WWOX: variants seen among roughly 807,000 people sequenced by gnomAD.
WWOX encodes WW domain-containing oxidoreductase.
In WWOX, 69 loss-of-function variants were observed where a neutral mutation model predicts 46.2. The observed-to-expected ratio is 1.49, with a 90% confidence interval of 1.23 to 1.82. The LOEUF (loss-of-function observed/expected upper bound fraction) is 1.82. Among genes scored for constraint, WWOX ranks in the 40% most tolerant of loss-of-function variants. The probability of loss-of-function intolerance (pLI) is 0.00; values close to 1 mark genes in which losing one functional copy is unlikely to be tolerated. For missense variants in WWOX, 919 were observed against 542.6 expected, an observed-to-expected ratio of 1.69 and a Z score of -6.89; for synonymous variants, 359 against 202.6, an observed-to-expected ratio of 1.77 and a Z score of -6.56.
chr16:78,934,337 C>CAAA lies in WWOX; in HGVS notation c.1057-277259_1057-277257dup, dbSNP rs747448353. The stretch of plus-strand genomic sequence containing the variant: ...TGGGCGACAGAGCAAGTCTCCGTCT[C>CAAA]AAAAAAAAAAAAAAGAAGAAACTTA... On this transcript the variant is annotated intron_variant, in intron 8 of 8. Transcript: ENST00000566780. Among the ~76,000 whole-genome samples, 30 of 78,270 alleles carry CAAA rather than the reference C, an allele frequency of 3.8e-4. 1 individual carries two copies. The highest frequency in any genetic ancestry group is 2.8e-3 in the South Asian group (7 of 2,502). 51.3% of individuals were successfully genotyped at this position (78,270 alleles called of 152,430 possible).
chr16:78,367,774 T>G (rs918397344), intron 5 of WWOX, among the ~76,000 whole-genome samples: 6 of 151,970 alleles, frequency 3.9e-5, no homozygotes, highest in African/African-American at 1.5e-4. Flanking sequence ...TCTTTTTGTT[T>G]CGAGATGGAG....
chr16:78,567,590 T>C (rs1300493065), intron 8 of WWOX, among the ~76,000 whole-genome samples: 1 of 151,328 alleles, frequency 6.6e-6, no homozygotes, highest in African/African-American at 2.4e-5. Flanking sequence ...TGAGTTTTTT[T>C]TGTGTATTCT....
At chr16:79,024,261 T>C (rs772113854) in intron 8 of WWOX, among the ~76,000 whole-genome samples, 3 of 152,126 alleles carry the variant, frequency 2.0e-5, no homozygotes, top group Non-Finnish European at 4.4e-5. Flanking sequence ...TTATGTCTTA[T>C]TTATTTATTC....
chr16:78,330,496 A>C (rs1475008024), intron 5 of WWOX, among the ~76,000 whole-genome samples: 2 of 152,068 alleles, frequency 1.3e-5, no homozygotes, highest in African/African-American at 2.4e-5. Flanking sequence ...TCCTGGGTTC[A>C]AGCAATTCTC....
intron 5 of WWOX, among the ~76,000 whole-genome samples, chr16:78,172,019 G>A (rs2035179094): frequency 6.6e-6 from 1 of 152,216 alleles, no homozygotes; most frequent in African/African-American, 2.4e-5. Flanking sequence ...GCAGTTTAGA[G>A]GCTGGAAGAG....
chr16:79,119,643 G>A (rs896677225), intron 8 of WWOX, among the ~76,000 whole-genome samples: 6 of 152,210 alleles, frequency 3.9e-5, no homozygotes, highest in African/African-American at 1.4e-4. Flanking sequence ...CATAGCAAAT[G>A]GTCCAGCCAC....
intron 8 of WWOX, among the ~76,000 whole-genome samples, chr16:78,623,582 A>G (rs1437503079): frequency 6.6e-6 from 1 of 152,052 alleles, no homozygotes; most frequent in Non-Finnish European, 1.5e-5. Context: ...TGAGAGGCTG[A>G]GGGATGAGAA....
intron 8 of WWOX, among the ~76,000 whole-genome samples, chr16:79,020,540 C>A (rs1597286957): frequency 6.6e-6 from 1 of 152,184 alleles, no homozygotes; most frequent in East Asian, 1.9e-4. Context: ...CAGGCTAGCA[C>A]ATACAACACA....
At chr16:78,725,778 C>G (rs2048815941) in intron 8 of WWOX, among the ~76,000 whole-genome samples, 2 of 152,096 alleles carry the variant, frequency 1.3e-5, no homozygotes, top group African/African-American at 4.8e-5. Flanking sequence ...CAGGGATGAT[C>G]TACTCCATGC....
intron 8 of WWOX, among the ~76,000 whole-genome samples, chr16:78,928,365 G>A (rs1001890811): frequency 6.6e-6 from 1 of 151,596 alleles, no homozygotes; most frequent in Non-Finnish European, 1.5e-5. Flanking sequence ...ACCACGCCCG[G>A]CTAATTTTTT....
chr16:78,879,348 A>C (rs1266022989), intron 8 of WWOX, among the ~76,000 whole-genome samples: 1 of 152,206 alleles, frequency 6.6e-6, no homozygotes, highest in African/African-American at 2.4e-5. Context: ...ACATGATGTC[A>C]AAGATGGTGT....
At chr16:79,147,786 G>T (rs1195708898) in intron 8 of WWOX, among the ~76,000 whole-genome samples, 5 of 152,202 alleles carry the variant, frequency 3.3e-5, no homozygotes, top group Non-Finnish European at 7.3e-5. Context: ...TGGTAAACAT[G>T]TAGTGATATT....
At chr16:79,111,392 C>A (rs1222251425) in intron 8 of WWOX, among the ~76,000 whole-genome samples, 1 of 152,178 alleles carries the variant, frequency 6.6e-6, no homozygotes, top group Admixed American at 6.5e-5. Flanking sequence ...ATTCCTTTTT[C>A]TGGGGTCTTT....
chr16:78,684,746 A>G (rs1025783361), intron 8 of WWOX, among the ~76,000 whole-genome samples: 8 of 152,196 alleles, frequency 5.3e-5, no homozygotes, highest in Admixed American at 2.0e-4. Context: ...GGGACGCATC[A>G]TACTGAACTA....
chr16:78,767,544 C>G (rs549158236), intron 8 of WWOX, among the ~76,000 whole-genome samples: 44 of 151,896 alleles, frequency 2.9e-4, no homozygotes, highest in African/African-American at 9.7e-4. Flanking sequence ...GTACCAATAT[C>G]TATTCAGATC....
chr16:78,580,546 A>G (rs2045024495), intron 8 of WWOX, among the ~76,000 whole-genome samples: 1 of 152,212 alleles, frequency 6.6e-6, no homozygotes, highest in South Asian at 2.1e-4. Context: ...GCCAAATGCA[A>G]GGCCTGAACA....
intron 8 of WWOX, among the ~76,000 whole-genome samples, chr16:78,865,013 T>G (rs1428164461): frequency 6.6e-6 from 1 of 152,206 alleles, no homozygotes; most frequent in East Asian, 1.9e-4. Context: ...TCCACCCATC[T>G]TGGCCTCCCA....
chr16:78,276,503 G>A (rs577411164), intron 5 of WWOX, among the ~76,000 whole-genome samples: 3 of 152,316 alleles, frequency 2.0e-5, no homozygotes, highest in South Asian at 4.1e-4. Context: ...AGCCCTGCGC[G>A]AGCCCCACTC....
intron 8 of WWOX, among the ~76,000 whole-genome samples, chr16:78,433,935 G>A (rs1308237531): frequency 6.6e-6 from 1 of 151,250 alleles, no homozygotes. Flanking sequence ...GACTACAGGC[G>A]CCCACCACTA....
Sources: gnomAD v4.1 joint callset for allele counts (sites outside exome capture counted in the v4.1 genomes callset) on GRCh38, gnomAD v4.1.1 for gene constraint, MANE v1.5 for transcripts, NCBI Gene and HGNC (gene_info 2026-07-23, HGNC 2026-07-21) for gene names.